Variants in GABRB1 observed in about 807,000 individuals in gnomAD.
GABRB1 encodes gamma-aminobutyric acid type A receptor subunit beta1.
Under a neutral mutation model 51.6 loss-of-function variants are expected in GABRB1, and 17 were observed. The observed-to-expected ratio is 0.33, with a 90% CI of 0.23 to 0.49. GABRB1 has a LOEUF of 0.49. Among genes scored for constraint, GABRB1 ranks in the 20% least tolerant of loss-of-function variants. The pLI, the probability that GABRB1 is intolerant of heterozygous loss-of-function variation, is 0.99. For synonymous variants in GABRB1, 247 were observed against 218.9 expected, an observed-to-expected ratio of 1.13 and a Z score of -1.14; for missense variants, 410 against 600.6, an observed-to-expected ratio of 0.68 and a Z score of 3.32.
chr4:47,010,657 T>C (rs894666030), intron 1 of GABRB1, among the ~76,000 whole-genome samples: 14 of 152,346 alleles, frequency 9.2e-5, no homozygotes, highest in African/African-American at 3.4e-4. Flanking sequence ...TCTTATTATG[T>C]AGCAAAGTTC....
intron 4 of GABRB1, among the ~76,000 whole-genome samples, chr4:47,274,589 TAA>T (rs1231922226): frequency 6.6e-6 from 1 of 152,114 alleles, no homozygotes; most frequent in African/African-American, 2.4e-5. Context: ...CACCAACCCA[TAA>T]GTGTCACATG....
At chr4:47,397,116 T>C (rs1728202549) in intron 5 of GABRB1, among the ~76,000 whole-genome samples, 1 of 152,192 alleles carries the variant, frequency 6.6e-6, no homozygotes. Flanking sequence ...TGTTTATAGA[T>C]TTTTGTTGCC....
At chr4:47,063,824 G>A (rs1297742913) in intron 3 of GABRB1, among the ~76,000 whole-genome samples, 1 of 152,056 alleles carries the variant, frequency 6.6e-6, no homozygotes, top group African/African-American at 2.4e-5. Flanking sequence ...TTATAAGTGG[G>A]AGCCGAACAA....
At chr4:47,244,005 A>T (rs1721643026) in intron 4 of GABRB1, among the ~76,000 whole-genome samples, 2 of 152,158 alleles carry the variant, frequency 1.3e-5, no homozygotes, top group Admixed American at 6.5e-5. Flanking sequence ...ATTCACTATG[A>T]TATTGGCTGT....
intron 4 of GABRB1, among the ~76,000 whole-genome samples, chr4:47,255,233 T>C (rs1722153197): frequency 6.6e-6 from 1 of 152,214 alleles, no homozygotes; most frequent in Admixed American, 6.5e-5. Flanking sequence ...CCCATTTAAA[T>C]AGAGTTCACA....
At chr4:47,273,535 T>C (rs1578053759) in intron 4 of GABRB1, among the ~76,000 whole-genome samples, 1 of 152,054 alleles carries the variant, frequency 6.6e-6, no homozygotes, top group African/African-American at 2.4e-5. Context: ...TAGGACAAAT[T>C]GGTGGCTAAA....
intron 4 of GABRB1, among the ~76,000 whole-genome samples, chr4:47,206,375 C>T (rs1720123198): frequency 6.6e-6 from 1 of 152,000 alleles, no homozygotes; most frequent in Admixed American, 6.6e-5. Flanking sequence ...CATTTGATCT[C>T]TTTAAATATA....
At chr4:47,360,120 T>TA (rs372037132) in intron 5 of GABRB1, among the ~76,000 whole-genome samples, 39,039 of 146,758 alleles carry the variant, frequency 0.27, 6,141 homozygotes, top group Middle Eastern at 0.38. Flanking sequence ...AGGAAAGCTT[T>TA]AAAAAAAAAA....
Position 47,059,485 on chromosome 4 carries a change from T to C in GABRB1, c.240+27001T>C, listed in dbSNP as rs144627632. Among the ~76,000 whole-genome samples, 635 of 152,294 alleles carry C rather than the reference T, an allele frequency of 4.2e-3. 1 individual carries two copies. The highest frequency in any genetic ancestry group is 6.8e-3 in the Middle Eastern group (2 of 294). On this transcript the variant is annotated intron_variant, in intron 3 of 8. Transcript: ENST00000295454. ...CGGCACCTGGCTGATTTCTCTATTTTATGTGACAAATTCATAGATGTAGCT... is the reference window on the plus strand; with the variant it reads ...CGGCACCTGGCTGATTTCTCTATTTCATGTGACAAATTCATAGATGTAGCT...
At chr4:47,418,124 C>G (rs1728986761) in intron 8 of GABRB1, among the ~76,000 whole-genome samples, 1 of 152,228 alleles carries the variant, frequency 6.6e-6, no homozygotes, top group Non-Finnish European at 1.5e-5. Flanking sequence ...GGACTTTAGT[C>G]ATTTGAGAAT....
intron 5 of GABRB1, among the ~76,000 whole-genome samples, chr4:47,377,006 T>C (rs1727405882): frequency 6.6e-6 from 1 of 151,328 alleles, no homozygotes; most frequent in Non-Finnish European, 1.5e-5. Context: ...ATTGTATTTA[T>C]TTATCCATCT....
At chr4:47,021,009 TA>T (rs2109452296) in intron 1 of GABRB1, among the ~76,000 whole-genome samples, 1 of 152,322 alleles carries the variant, frequency 6.6e-6, no homozygotes, top group South Asian at 2.1e-4. Context: ...TCAACATATT[TA>T]CAAGGCTCAA....
At chr4:47,016,402 A>C (rs1358604823) in intron 1 of GABRB1, among the ~76,000 whole-genome samples, 1 of 152,138 alleles carries the variant, frequency 6.6e-6, no homozygotes, top group Non-Finnish European at 1.5e-5. Flanking sequence ...ATGTGTAATA[A>C]AAATTTTTGA....
At position 47,269,780 on chromosome 4, in the gene GABRB1, C is replaced by T. The variant is rs925111494; in HGVS notation, c.462-50347C>T. Reference sequence around the variant, plus strand: ...CTTTAATTCTCACCACAAGCATTTCCGTTATACTGATAAAGAAGCTGAGAT... The same window carrying T: ...CTTTAATTCTCACCACAAGCATTTCTGTTATACTGATAAAGAAGCTGAGAT... On this transcript the variant is annotated intron_variant, in intron 4 of 8. Coordinates refer to ENST00000295454, the MANE Select transcript of GABRB1 (RefSeq NM_000812.4). 1.2e-4 allele frequency among the ~76,000 whole-genome samples: 18 copies of T among 152,166 alleles called. 2 individuals carry two copies. The highest frequency in any genetic ancestry group is 7.2e-4 in the Admixed American group (11 of 15,274).
chr4:47,129,505 A>G (rs527997134), intron 3 of GABRB1, among the ~76,000 whole-genome samples: 2 of 152,334 alleles, frequency 1.3e-5, no homozygotes, highest in South Asian at 4.1e-4. Flanking sequence ...CAGGCACTGT[A>G]GTTACCTAAT....
chr4:47,166,792 C>T (rs1286983888), intron 4 of GABRB1, among the ~76,000 whole-genome samples: 2 of 152,074 alleles, frequency 1.3e-5, no homozygotes, highest in Non-Finnish European at 2.9e-5. Flanking sequence ...GGTAACCCTA[C>T]AGCCCTACCG....
chr4:47,046,268 G>A (rs1193711111), intron 3 of GABRB1, among the ~76,000 whole-genome samples: 1 of 151,976 alleles, frequency 6.6e-6, no homozygotes, highest in Non-Finnish European at 1.5e-5. Flanking sequence ...CTAATACAGT[G>A]CTTCATATGT....
chr4:47,386,965 A>G (rs1727816854), intron 5 of GABRB1, among the ~76,000 whole-genome samples: 1 of 152,222 alleles, frequency 6.6e-6, no homozygotes, highest in Admixed American at 6.5e-5. Flanking sequence ...GGAAAATATT[A>G]AATGGATAAA....
At chr4:47,349,140 A>G (rs1726215239) in intron 5 of GABRB1, among the ~76,000 whole-genome samples, 1 of 152,166 alleles carries the variant, frequency 6.6e-6, no homozygotes, top group African/African-American at 2.4e-5. Flanking sequence ...GGTCTGGAGC[A>G]CAGAGGGAGG....
Sources: allele counts gnomAD v4.1 joint callset (sites outside exome capture counted in the v4.1 genomes callset), GRCh38; gene constraint gnomAD v4.1.1; transcripts MANE v1.5; gene names NCBI Gene and HGNC (gene_info 2026-07-23, HGNC 2026-07-21).